The following FGF14 variants were observed in gnomAD, a reference collection of about 807,000 sequenced individuals.
FGF14 encodes the protein fibroblast growth factor 14.
Under a neutral mutation model 25.5 loss-of-function variants are expected in FGF14, and 5 were observed. The observed-to-expected ratio is 0.20, with a 90% CI of 0.10 to 0.41. The LOEUF is 0.41. FGF14 is among the 10% of genes least tolerant of loss of function. The pLI is 1.00. For missense variants in FGF14, 222 were observed against 320.1 expected (o/e 0.69, Z 2.34); for synonymous variants, 138 against 118.3 (o/e 1.17, Z -1.08).
intron 1 of FGF14, among the ~76,000 whole-genome samples, chr13:102,086,882 T>A (rs2043931646): frequency 6.6e-6 from 1 of 152,168 alleles, no homozygotes; most frequent in Admixed American, 6.5e-5. Context: ...TTTCCAGGAT[T>A]ACGTAGAGTG....
intron 1 of FGF14, among the ~76,000 whole-genome samples, chr13:102,231,066 T>A (rs1321570036): frequency 4.6e-5 from 7 of 152,196 alleles, no homozygotes; most frequent in Admixed American, 3.9e-4. Context: ...CCTTTTCTTT[T>A]TTGTCTATAA....
chr13:102,005,857 T>A (rs1287505959), intron 1 of FGF14, among the ~76,000 whole-genome samples: 1 of 152,214 alleles, frequency 6.6e-6, no homozygotes, highest in Non-Finnish European at 1.5e-5. Flanking sequence ...AGCCTTTGCA[T>A]AATTAAGGCC....
Position 102,008,825 on chromosome 13 carries a change from TCACAA to T in FGF14, c.209-133534_209-133530del, listed in dbSNP as rs376886310. 9.8e-4 allele frequency among the ~76,000 whole-genome samples: 149 copies of T among 152,306 alleles called. 4 individuals carry two copies. Among genetic ancestry groups the T allele is most frequent in the African/African-American group, 3.4e-3 (141 of 41,584 alleles). ...TAAGAACAGTGAAACTGATGTGTAA[TCACAA>T]CACAATTTAATTTTTGGGTGGGAAA... On this transcript the variant is annotated intron_variant, in intron 1 of 4. Transcript: ENST00000376131.
chr13:101,860,939 C>T (rs1487274037), intron 3 of FGF14, among the ~76,000 whole-genome samples: 2 of 152,064 alleles, frequency 1.3e-5, no homozygotes, highest in East Asian at 1.9e-4. Flanking sequence ...TTTGTAGAAA[C>T]ACAAGTTTTG....
Position 102,215,604 on chromosome 13 carries a change from C to G in FGF14, c.208+185867G>C, listed in dbSNP as rs538164865. Among the ~76,000 whole-genome samples the G allele has an allele frequency of 3.3e-5, 5 of 152,252 alleles. No individual in the cohort carries two copies. The East Asian group carries it at 9.7e-4, about 29-fold the overall frequency. The stretch of plus-strand genomic sequence containing the variant: ...TTTGGTCCTAACAGCCAGGTTAAAC[C>G]AACCTACCTTTATGTCAGATCTGAG... On this transcript the variant is annotated intron_variant, in intron 1 of 4. Transcript: ENST00000376131.
intron 1 of FGF14, among the ~76,000 whole-genome samples, chr13:102,191,685 C>A (rs1180669628): frequency 6.6e-6 from 1 of 152,134 alleles, no homozygotes; most frequent in African/African-American, 2.4e-5. Context: ...TTAATTTTAT[C>A]CCAAAAGCCT....
intron 3 of FGF14, among the ~76,000 whole-genome samples, chr13:101,847,084 A>G (rs2043502179): frequency 1.3e-5 from 2 of 152,078 alleles, no homozygotes; most frequent in Admixed American, 1.3e-4. Context: ...CTAAAATTCA[A>G]CACTTCTACC....
At chr13:101,979,946 A>T (rs1252111103) in intron 1 of FGF14, among the ~76,000 whole-genome samples, 2 of 152,222 alleles carry the variant, frequency 1.3e-5, no homozygotes, top group African/African-American at 4.8e-5. Flanking sequence ...CTAAATTGCC[A>T]GTCAACACTA....
intron 1 of FGF14, among the ~76,000 whole-genome samples, chr13:101,887,135 A>C (rs1196074371): frequency 6.6e-6 from 1 of 151,968 alleles, no homozygotes; most frequent in Non-Finnish European, 1.5e-5. Flanking sequence ...AACAGTATGG[A>C]GGTTTCTCAA....
intron 1 of FGF14, among the ~76,000 whole-genome samples, chr13:102,020,456 G>A (rs2040578776): frequency 6.6e-6 from 1 of 152,120 alleles, no homozygotes; most frequent in South Asian, 2.1e-4. Flanking sequence ...CCTGAGGCAG[G>A]AGAATCGCTT....
chr13:102,365,041 C>T (rs1041522266), intron 1 of FGF14, among the ~76,000 whole-genome samples: 8 of 152,254 alleles, frequency 5.3e-5, no homozygotes, highest in African/African-American at 1.9e-4. Flanking sequence ...TTTGTCTTTA[C>T]ACCACTAGGT....
intron 1 of FGF14, among the ~76,000 whole-genome samples, chr13:101,980,962 C>G (rs1194967690): frequency 1.3e-5 from 2 of 151,394 alleles, no homozygotes; most frequent in East Asian, 3.9e-4. Context: ...GCCCCAGGGG[C>G]TGGGTGTGGT....
upstream of FGF14, among the ~76,000 whole-genome samples, chr13:101,920,578 T>A (rs537112224): frequency 6.6e-6 from 1 of 152,358 alleles, no homozygotes; most frequent in Admixed American, 6.5e-5. Context: ...TGTATTATCA[T>A]CATCTTCCAG....
At chr13:101,995,638 C>T (rs1184467460) in intron 1 of FGF14, among the ~76,000 whole-genome samples, 4 of 152,028 alleles carry the variant, frequency 2.6e-5, no homozygotes. Context: ...CAACATGTAA[C>T]TGTAATGGAA....
At chr13:102,267,690 A>C (rs1005087879) in intron 1 of FGF14, among the ~76,000 whole-genome samples, 4 of 152,158 alleles carry the variant, frequency 2.6e-5, no homozygotes, top group Non-Finnish European at 4.4e-5. Context: ...ATAAATGAAA[A>C]ATTAGATTTA....
intron 3 of FGF14, among the ~76,000 whole-genome samples, chr13:101,728,610 T>C (rs973825206): frequency 6.6e-6 from 1 of 152,050 alleles, no homozygotes; most frequent in African/African-American, 2.4e-5. Context: ...GTTGAAACTA[T>C]ACTTTCTCAA....
At chr13:102,300,366 C>T (rs2054967294) in intron 1 of FGF14, 2 of 151,116 alleles carry the variant, frequency 1.3e-5, no homozygotes, top group Non-Finnish European at 2.9e-5. Context: ...TCGAGAATCT[C>T]ACCTAATACC....
chr13:102,005,777 T>C (rs1285051168), intron 1 of FGF14, among the ~76,000 whole-genome samples: 1 of 152,206 alleles, frequency 6.6e-6, no homozygotes, highest in Admixed American at 6.5e-5. Context: ...ATTCCTGATA[T>C]AATTTGTAAT....
intron 3 of FGF14, among the ~76,000 whole-genome samples, chr13:101,866,774 G>A (rs2044729805): frequency 6.6e-6 from 1 of 152,136 alleles, no homozygotes; most frequent in Non-Finnish European, 1.5e-5. Context: ...TACTGATATA[G>A]ATTCATAATC....
Sources: gnomAD v4.1 joint callset for allele counts (sites outside exome capture counted in the v4.1 genomes callset) on GRCh38, gnomAD v4.1.1 for gene constraint, MANE v1.5 for transcripts, NCBI Gene and HGNC (gene_info 2026-07-23, HGNC 2026-07-21) for gene names.